CCDC13: variants seen among roughly 807,000 people sequenced by gnomAD.
CCDC13 encodes coiled-coil domain containing 13.
A neutral mutation model predicts 87.3 loss-of-function variants in CCDC13; 70 were observed. That is an observed-to-expected ratio of 0.80 (90% CI 0.66 to 0.98). The LOEUF is 0.98. Among genes scored for constraint, CCDC13 ranks in the 50% least tolerant of loss-of-function variants. The pLI is 0.00. For missense variants in CCDC13, 842 were observed against 892.0 expected (o/e 0.94, Z 0.71); for synonymous variants, 317 against 360.3 (o/e 0.88, Z 1.36).
At chr3:42,710,136 G>A (rs1486321753) in intron 14 of CCDC13, among the ~76,000 whole-genome samples, 1 of 145,568 alleles carries the variant, frequency 6.9e-6, no homozygotes, top group Non-Finnish European at 1.5e-5. Context: ...TTGAGACAGA[G>A]TCTTGCTCTG....
intron 5 of CCDC13, chr3:42,749,776 A>T (rs1306707616): frequency 4.7e-6 from 2 of 422,116 alleles, no homozygotes; most frequent in Non-Finnish European, 9.6e-6. Context: ...AAAATAACTA[A>T]AGCGCAGTAC....
chr3:42,727,378 A>G lies in CCDC13; in HGVS notation c.1718+3089T>C, dbSNP rs755043094. On this transcript the variant is annotated intron_variant, in intron 13 of 15. Coordinates refer to ENST00000310232, the MANE Select transcript of CCDC13 (RefSeq NM_144719.4). ...CAGAGAGAGACTCGGTCTCAAAAAA[A>G]GAAAAGAAAAATAAATAAATAAATA... is the stretch of plus-strand genomic sequence containing the variant. Among the ~76,000 whole-genome samples the G allele has an allele frequency of 4.1e-4, 62 of 152,242 alleles. 1 individual carries two copies. Among genetic ancestry groups the G allele is most frequent in the Middle Eastern group, 3.4e-3 (1 of 294 alleles).
Position 42,739,639 on chromosome 3 carries a change from G to A in CCDC13, c.1159C>T (p.Leu387Phe), listed in dbSNP as rs1326648307. 1.2e-6 allele frequency: 2 copies of A among 1,613,548 alleles called. No homozygotes were observed. Among genetic ancestry groups the A allele is most frequent in the African/African-American group, 1.3e-5 (1 of 74,934 alleles). The change falls in exon 9 of 16, where the codon CTC becomes TTC. Residue 387 changes from leucine to phenylalanine, a missense_variant. Coordinates refer to ENST00000310232, the MANE Select transcript of CCDC13 (RefSeq NM_144719.4). ...GRHDDELIDALMDQLKQLQEI... is the reference protein window; with the variant it reads ...GRHDDELIDAFMDQLKQLQEI... ...CCTGAGTGGTGGGGCCATACCATGAGGGCGTCGATGAGCTCGTCATCATGC... is the reference window on the plus strand; with the variant it reads ...CCTGAGTGGTGGGGCCATACCATGAAGGCGTCGATGAGCTCGTCATCATGC...
chr3:42,748,118 T>A (rs984190467), intron 5 of CCDC13, among the ~76,000 whole-genome samples: 1 of 152,152 alleles, frequency 6.6e-6, no homozygotes, highest in African/African-American at 2.4e-5. Flanking sequence ...ACTATCTGGA[T>A]GGAAATTTTT....
At chr3:42,730,326 A>C (rs963149263) in intron 13 of CCDC13, 141 bp downstream of exon 13, 1 of 1,201,490 alleles carries the variant, frequency 8.3e-7, no homozygotes, top group East Asian at 2.5e-5. Flanking sequence ...TGTGGGGCGC[A>C]TGAGTTGTGG....
intron 13 of CCDC13, among the ~76,000 whole-genome samples, chr3:42,721,615 T>C (rs773364636): frequency 1.3e-5 from 2 of 152,274 alleles, no homozygotes; most frequent in Non-Finnish European, 2.9e-5. Flanking sequence ...TATTTGTTTC[T>C]CTCTACCTGA....
At chr3:42,719,795 C>T (rs1265990487) in intron 13 of CCDC13, among the ~76,000 whole-genome samples, 1 of 148,212 alleles carries the variant, frequency 6.7e-6, no homozygotes, top group African/African-American at 2.5e-5. Flanking sequence ...TAGGGGATGA[C>T]TCCTTTATCT....
chr3:42,741,624 C>T (rs1471641546), intron 8 of CCDC13, among the ~76,000 whole-genome samples: 1 of 152,144 alleles, frequency 6.6e-6, no homozygotes, highest in African/African-American at 2.4e-5. Flanking sequence ...GTAATCCCAG[C>T]TACTTGGGAG....
At chr3:42,758,980 T>C (rs1434855125) in intron 1 of CCDC13, among the ~76,000 whole-genome samples, 1 of 152,228 alleles carries the variant, frequency 6.6e-6, no homozygotes, top group Non-Finnish European at 1.5e-5. Flanking sequence ...ATTAATTTTG[T>C]CTGGTTTCTT....
chr3:42,713,320 G>T lies in CCDC13; in HGVS notation c.1719-4C>A. ...CTTGCTGTTGCTCTCCTCCACCCTG[G>T]TGATTAGAGAGGAGGGGATGCTACA... is the stretch of plus-strand genomic sequence containing the variant. On this transcript the variant is annotated splice_polypyrimidine_tract_variant and splice_region_variant and intron_variant, in intron 13 of 15. Transcript: ENST00000310232. The T allele has an allele frequency of 6.2e-7, 1 of 1,613,644 alleles. No individual in the cohort carries two copies. Among genetic ancestry groups the T allele is most frequent in the South Asian group, 1.1e-5 (1 of 91,024 alleles).
chr3:42,769,409 C>G (rs1700004986), intron 1 of CCDC13, among the ~76,000 whole-genome samples: 1 of 152,214 alleles, frequency 6.6e-6, no homozygotes, highest in African/African-American at 2.4e-5. Flanking sequence ...AGCCACTTTG[C>G]AAGACAATTG....
intron 2 of CCDC13, among the ~76,000 whole-genome samples, chr3:42,757,726 TA>T (rs1699736243): frequency 3.3e-5 from 5 of 151,948 alleles, no homozygotes; most frequent in African/African-American, 1.2e-4. Context: ...AAAAAAGTAT[TA>T]TAGGTTATAA....
rs912053046 is a variant in CCDC13, at chr3:42,707,721, C to T, written c.*1259G>A. Reference sequence around the variant, plus strand: ...ATCCACATGTGTGTGCTCATCTGCACCTGTGTGTCCATGAGTGTGCACACA... The same window carrying T: ...ATCCACATGTGTGTGCTCATCTGCATCTGTGTGTCCATGAGTGTGCACACA... On this transcript the variant is annotated 3_prime_UTR_variant, in exon 16 of 16. Coordinates refer to ENST00000310232, the MANE Select transcript of CCDC13 (RefSeq NM_144719.4). 1.3e-5 allele frequency among the ~76,000 whole-genome samples: 2 copies of T among 152,218 alleles called. No homozygotes were observed. The highest frequency in any genetic ancestry group is 2.9e-5 in the Non-Finnish European group (2 of 68,038).
intron 7 of CCDC13, 138 bp downstream of exon 7, chr3:42,745,785 C>A: frequency 3.5e-6 from 2 of 572,852 alleles, no homozygotes; most frequent in East Asian, 2.8e-5. Context: ...AAACAACAAC[C>A]CCGCACGAGT....
rs147483095 is a variant in CCDC13, at chr3:42,730,627, C to T, written c.1596-38G>A. Reference sequence around the variant, plus strand: ...TGGAGGGCAGAGGGCAGAGGTCATCCGAGGCCTAGAAATAACACTTACCCC... The same window carrying T: ...TGGAGGGCAGAGGGCAGAGGTCATCTGAGGCCTAGAAATAACACTTACCCC... On this transcript the variant is annotated intron_variant, in intron 12 of 15. Coordinates refer to ENST00000310232, the MANE Select transcript of CCDC13 (RefSeq NM_144719.4). The T allele has an allele frequency of 2.1e-3, 3,353 of 1,606,674 alleles. 8 individuals carry two copies. Among genetic ancestry groups the T allele is most frequent in the Non-Finnish European group, 2.3e-3 (2,661 of 1,174,328 alleles).
intron 14 of CCDC13, among the ~76,000 whole-genome samples, chr3:42,710,651 G>A (rs62250114): frequency 0.23 from 35,256 of 152,148 alleles, 4,333 homozygotes; most frequent in Non-Finnish European, 0.28. Flanking sequence ...TGGCCAACAC[G>A]GTGAAACCCT....
At chr3:42,765,475 G>A (rs1230790154) in intron 1 of CCDC13, among the ~76,000 whole-genome samples, 11 of 152,112 alleles carry the variant, frequency 7.2e-5, no homozygotes, top group African/African-American at 2.7e-4. Context: ...GCACGATCTC[G>A]GCTCACAGCA....
chr3:42,741,983 CT>C (rs1699236173), intron 8 of CCDC13, among the ~76,000 whole-genome samples: 1 of 152,242 alleles, frequency 6.6e-6, no homozygotes, highest in Non-Finnish European at 1.5e-5. Context: ...CAAGTCCTCA[CT>C]GTTAGGTAGC....
intron 7 of CCDC13, chr3:42,744,883 A>G (rs1397770010): frequency 6.7e-6 from 1 of 149,970 alleles, no homozygotes; most frequent in African/African-American, 2.5e-5. Context: ...TGTGCTTATT[A>G]TGGTCAGGCA....
Sources: allele counts gnomAD v4.1 joint callset (sites outside exome capture counted in the v4.1 genomes callset), GRCh38; gene constraint gnomAD v4.1.1; transcripts MANE v1.5; gene names NCBI Gene and HGNC (gene_info 2026-07-23, HGNC 2026-07-21).